ALDH1L1: variants seen among roughly 807,000 people sequenced by gnomAD.
The protein encoded by ALDH1L1 is aldehyde dehydrogenase 1 family member L1.
A neutral mutation model predicts 101.1 loss-of-function variants in ALDH1L1; 68 were observed. That is an observed-to-expected ratio of 0.67 (90% CI 0.55 to 0.82). ALDH1L1 has a LOEUF of 0.82. Among genes scored for constraint, ALDH1L1 ranks in the 40% least tolerant of loss-of-function variants. ALDH1L1 has a pLI of 0.00. For synonymous variants in ALDH1L1, 486 were observed against 470.8 expected (o/e 1.03, Z -0.42); for missense variants, 1,087 against 1,172.7 (o/e 0.93, Z 1.07).
chr3:126,186,567 G>T (rs938424076), intron 1 of ALDH1L1, among the ~76,000 whole-genome samples: 1 of 152,214 alleles, frequency 6.6e-6, no homozygotes, highest in African/African-American at 2.4e-5. Flanking sequence ...ACCCAGAGGA[G>T]TGCAGCGTGT....
At position 126,117,986 on chromosome 3, in the gene ALDH1L1, T is replaced by C. The variant is rs1240909366; in HGVS notation, c.1982+19A>G. 1.2e-6 allele frequency: 2 copies of C among 1,606,804 alleles called. No homozygotes were observed. The highest frequency in any genetic ancestry group is 3.4e-5 in the Admixed American group (2 of 59,482). On this transcript the variant is annotated intron_variant, in intron 17 of 22. Transcript: ENST00000393434. The stretch of plus-strand genomic sequence containing the variant: ...CAGCCCACAGCAGCCCCTCCTCTGC[T>C]CCACCCCCAGCCACGCACCTTTTCA...
chr3:126,129,305 C>T (rs1307812136), intron 14 of ALDH1L1: 8 of 152,408 alleles, frequency 5.2e-5, no homozygotes, highest in Admixed American at 5.2e-4. Flanking sequence ...GCAAATACTC[C>T]AACATTCAGG....
intron 18 of ALDH1L1, among the ~76,000 whole-genome samples, chr3:126,113,616 C>A (rs114040398): frequency 0.01 from 1,549 of 152,306 alleles, 21 homozygotes; most frequent in South Asian, 0.035. Context: ...TTCACCCGGG[C>A]CCGTGAACAA....
At chr3:126,106,009 C>T (rs1328719501) in intron 21 of ALDH1L1, 84 bp from the exon 22 acceptor site, 4 of 1,366,318 alleles carry the variant, frequency 2.9e-6, no homozygotes, top group Non-Finnish European at 4.0e-6. Flanking sequence ...CACTCCACAC[C>T]CCAGCTGCAT....
chr3:126,106,045 C>T (rs189265455), intron 21 of ALDH1L1, 120 bp from the exon 22 acceptor site: 15 of 1,059,280 alleles, frequency 1.4e-5, no homozygotes, highest in East Asian at 1.0e-4. Flanking sequence ...GAAAATGTGC[C>T]GGGCTGCAGC....
Position 126,103,786 on chromosome 3 carries a change from T to A in ALDH1L1, c.*5A>T, listed in dbSNP as rs775855900. On this transcript the variant is annotated 3_prime_UTR_variant, in exon 23 of 23. Coordinates refer to ENST00000393434, the MANE Select transcript of ALDH1L1 (RefSeq NM_012190.4). ...CAGGGACTTTCTTCTCACAAAGACCTTTCTTCAGTATTCGAAGGTCACTGT... is the reference window on the plus strand; with the variant it reads ...CAGGGACTTTCTTCTCACAAAGACCATTCTTCAGTATTCGAAGGTCACTGT... 1 of 1,613,364 alleles carries A rather than the reference T, an allele frequency of 6.2e-7. No homozygotes were observed.
chr3:126,196,192 A>C lies in ALDH1L1; in HGVS notation c.-24+1543T>G, dbSNP rs533458495. On this transcript the variant is annotated intron_variant, in intron 1 of 2. Transcript: ENST00000509952. ...GGTTTAGGGTAGAGTCCTTGGAAGG[A>C]CAGGGCCAGGAAAGCATGCAGTTTC... Among the ~76,000 whole-genome samples the C allele has an allele frequency of 6.0e-4, 91 of 152,278 alleles. 1 individual carries two copies. The Middle Eastern group carries it at 0.014, about 23-fold the overall frequency.
In ALDH1L1 at chr3:126,146,835, C is replaced by A; in HGVS notation, c.1076G>T (p.Arg359Met). 6.2e-7 allele frequency: 1 copy of A among 1,614,062 alleles called. No individual in the cohort carries two copies. The highest frequency in any genetic ancestry group is 8.5e-7 in the Non-Finnish European group (1 of 1,179,972). The stretch of plus-strand genomic sequence containing the variant: ...AGGACCCCTCCACTCCTGGCCTTAC[C>A]TCACAACGTCCACAGACGCGGCCCC... ...KSGAASVDVV[R>M]LVEEVKELCD... The change falls in exon 9 of 23, where the codon AGG becomes ATG. Residue 359 changes from arginine to methionine, a missense_variant and splice_region_variant. Transcript: ENST00000393434.
chr3:126,158,947 G>A (rs1306992175), intron 2 of ALDH1L1, among the ~76,000 whole-genome samples: 1 of 152,192 alleles, frequency 6.6e-6, no homozygotes, highest in Non-Finnish European at 1.5e-5. Flanking sequence ...CCGTCACTGA[G>A]TTACTGTCTT....
intron 7 of ALDH1L1, chr3:126,153,137 G>A: frequency 2.3e-6 from 1 of 430,766 alleles, no homozygotes; most frequent in Non-Finnish European, 4.3e-6. Context: ...GGCTCCCTGG[G>A]AGGGCTTCTC....
intron 14 of ALDH1L1, chr3:126,129,685 G>C (rs909705549): frequency 2.0e-5 from 3 of 152,412 alleles, no homozygotes; most frequent in African/African-American, 7.2e-5. Context: ...ATGGCCTCGA[G>C]AGGTCACTGC....
intron 17 of ALDH1L1, among the ~76,000 whole-genome samples, chr3:126,115,852 G>A (rs553045756): frequency 6.6e-6 from 1 of 151,892 alleles, no homozygotes; most frequent in Non-Finnish European, 1.5e-5. Flanking sequence ...TGGGATTACA[G>A]GCATGAGCCA....
chr3:126,146,146 G>T (rs1443710860), intron 9 of ALDH1L1, among the ~76,000 whole-genome samples: 2 of 152,194 alleles, frequency 1.3e-5, no homozygotes, highest in Non-Finnish European at 2.9e-5. Context: ...TGCAGTCACA[G>T]CCTTGGCCAT....
chr3:126,114,885 C>T (rs542725614), intron 17 of ALDH1L1: 93 of 591,536 alleles, frequency 1.6e-4, no homozygotes, highest in African/African-American at 1.3e-3. Context: ...CCTGGACTGC[C>T]CTTCCTGCTG....
At chr3:126,166,565 C>A (rs2108315445) in intron 1 of ALDH1L1, among the ~76,000 whole-genome samples, 1 of 152,124 alleles carries the variant, frequency 6.6e-6, no homozygotes, top group Admixed American at 6.5e-5. Context: ...TCTGTCTTGC[C>A]ACTTTTAGTG....
chr3:126,124,183 A>G (rs901362015), intron 16 of ALDH1L1, among the ~76,000 whole-genome samples, 181 bp downstream of exon 16: 1 of 152,102 alleles, frequency 6.6e-6, no homozygotes, highest in Admixed American at 6.5e-5. Flanking sequence ...TGAAGACGAA[A>G]GCCCTTCCAG....
At chr3:126,141,226 T>C (rs1190843363) in intron 9 of ALDH1L1, among the ~76,000 whole-genome samples, 1 of 152,076 alleles carries the variant, frequency 6.6e-6, no homozygotes, top group African/African-American at 2.4e-5. Context: ...TATAAATTCA[T>C]ACACACCTAA....
At chr3:126,155,360 G>C (rs769736708) in intron 5 of ALDH1L1, 42 bp downstream of exon 5, 1 of 1,574,292 alleles carries the variant, frequency 6.4e-7, no homozygotes, top group Non-Finnish European at 8.7e-7. Context: ...ACCCCAGTCT[G>C]CTCACAGGCA....
At chr3:126,118,184 C>CT (rs1203119956) in intron 16 of ALDH1L1, 86 bp from the exon 17 acceptor site, 1 of 1,105,002 alleles carries the variant, frequency 9.0e-7, no homozygotes, top group East Asian at 2.5e-5. Flanking sequence ...CACAGGTTCA[C>CT]TGGGGGTCTG....
Sources: allele counts gnomAD v4.1 joint callset (sites outside exome capture counted in the v4.1 genomes callset), GRCh38; gene constraint gnomAD v4.1.1; transcripts MANE v1.5; gene names NCBI Gene and HGNC (gene_info 2026-07-23, HGNC 2026-07-21).